AGPS: variants seen among roughly 807,000 people sequenced by gnomAD.
The protein encoded by AGPS is alkylglycerone phosphate synthase.
AGPS carries 26 observed loss-of-function variants against 90.7 expected under a neutral mutation model. That is an observed-to-expected ratio of 0.29 (90% confidence interval 0.21 to 0.40). AGPS has a LOEUF of 0.40. Among genes scored for constraint, AGPS ranks in the 10% least tolerant of loss-of-function variants. The pLI is 1.00. For synonymous variants in AGPS, 294 were observed against 285.3 expected (o/e 1.03, Z -0.31); for missense variants, 540 against 816.1 (o/e 0.66, Z 4.12).
intron 2 of AGPS, among the ~76,000 whole-genome samples, chr2:177,422,624 A>G (rs1049209889): frequency 6.6e-6 from 1 of 152,210 alleles, no homozygotes; most frequent in Non-Finnish European, 1.5e-5. Context: ...CAAAAAGGAT[A>G]ATTCCCCAAA....
chr2:177,509,491 C>G (rs368335307), intron 16 of AGPS, among the ~76,000 whole-genome samples: 1 of 151,998 alleles, frequency 6.6e-6, no homozygotes, highest in Admixed American at 6.5e-5. Flanking sequence ...ACGGTGAAAC[C>G]TCGTCTCTAC....
At chr2:177,532,547 G>T (rs1028215385) in intron 19 of AGPS, among the ~76,000 whole-genome samples, 2 of 152,164 alleles carry the variant, frequency 1.3e-5, no homozygotes, top group Non-Finnish European at 2.9e-5. Flanking sequence ...CTGGAAAACA[G>T]TTTGGCAGTT....
At chr2:177,508,758 A>G (rs2105721404) in intron 16 of AGPS, among the ~76,000 whole-genome samples, 1 of 152,300 alleles carries the variant, frequency 6.6e-6, no homozygotes, top group South Asian at 2.1e-4. Flanking sequence ...CCCTTATTCA[A>G]AATGCTCAGG....
At chr2:177,487,979 T>C (rs539930281) in intron 11 of AGPS, among the ~76,000 whole-genome samples, 2 of 152,272 alleles carry the variant, frequency 1.3e-5, no homozygotes, top group African/African-American at 4.8e-5. Flanking sequence ...AAGCAACAAT[T>C]GACTTGTCAA....
intron 11 of AGPS, among the ~76,000 whole-genome samples, chr2:177,484,649 A>G (rs1688044103): frequency 6.6e-6 from 1 of 152,152 alleles, no homozygotes; most frequent in Non-Finnish European, 1.5e-5. Context: ...CCCAGCCACA[A>G]AAAGTGTTAT....
intron 2 of AGPS, among the ~76,000 whole-genome samples, chr2:177,430,667 T>A (rs1253809727): frequency 4.6e-5 from 7 of 152,218 alleles, no homozygotes; most frequent in Admixed American, 6.5e-5. Flanking sequence ...TTGTTCTCCA[T>A]GGGTCCAGCT....
intron 8 of AGPS, among the ~76,000 whole-genome samples, chr2:177,458,131 A>T (rs1371723691): frequency 6.6e-6 from 1 of 152,238 alleles, no homozygotes; most frequent in Non-Finnish European, 1.5e-5. Flanking sequence ...CTTCAATAAA[A>T]TTCAACACCC....
At position 177,468,456 on chromosome 2, in the gene AGPS, A is replaced by G. The variant is rs1687521536; in HGVS notation, c.1037A>G (p.Glu346Gly). 6.2e-7 allele frequency: 1 copy of G among 1,612,186 alleles called. No individual in the cohort carries two copies. The highest frequency in any genetic ancestry group is 8.5e-7 in the Non-Finnish European group (1 of 1,179,030). Residue 346 changes from glutamate (E) to glycine (G), a missense_variant, in exon 10 of 20, where the codon GAA becomes GGA. This residue lies in a region of AGPS where 405 missense variants were observed against 692.1 expected (regional missense o/e 0.59). Coordinates refer to ENST00000264167, the MANE Select transcript of AGPS (RefSeq NM_003659.4). ...IKMVTPRGIIEKSCQGPRMST... is the reference protein window; with the variant it reads ...IKMVTPRGIIGKSCQGPRMST... ...ATGGTAACACCTAGAGGTATAATAGAAAAAAGCTGTCAAGGACCTCGTATG... is the reference window on the plus strand; with the variant it reads ...ATGGTAACACCTAGAGGTATAATAGGAAAAAGCTGTCAAGGACCTCGTATG...
intron 1 of AGPS, among the ~76,000 whole-genome samples, chr2:177,419,468 TGCAATACTTCA>T (rs1345397762): frequency 6.6e-6 from 1 of 151,902 alleles, no homozygotes; most frequent in African/African-American, 2.4e-5. Flanking sequence ...TAAAAAGTGA[TGCAATACTTCA>T]GCATGATTGC....
At position 177,538,227 on chromosome 2, in the gene AGPS, T is replaced by A. The variant is rs1286476730; in HGVS notation, c.*32T>A. Reference sequence around the variant, plus strand: ...TAGTACCATTACAAAAAAATGTCAATTTTTTTTTTAAGTTTTCAACTGTGG... The same window carrying A: ...TAGTACCATTACAAAAAAATGTCAAATTTTTTTTTAAGTTTTCAACTGTGG... On this transcript the variant is annotated 3_prime_UTR_variant, in exon 20 of 20. Coordinates refer to ENST00000264167, the MANE Select transcript of AGPS (RefSeq NM_003659.4). 4 of 1,517,970 alleles carry A rather than the reference T, an allele frequency of 2.6e-6. No homozygotes were observed. Among genetic ancestry groups the A allele is most frequent in the Non-Finnish European group, 3.6e-6 (4 of 1,102,704 alleles). 94.0% of individuals were successfully genotyped at this position (1,517,970 alleles called of 1,614,324 possible). A position where few individuals can be genotyped will look rare whatever the true frequency, so the allele number is the denominator to read the frequency against.
intron 9 of AGPS, among the ~76,000 whole-genome samples, chr2:177,464,102 C>G (rs1035079966): frequency 2.6e-5 from 4 of 151,998 alleles, no homozygotes; most frequent in Non-Finnish European, 4.4e-5. Flanking sequence ...CCACCATGCC[C>G]AGCTAATTTT....
At chr2:177,472,399 C>G (rs1687652854) in intron 10 of AGPS, among the ~76,000 whole-genome samples, 1 of 151,748 alleles carries the variant, frequency 6.6e-6, no homozygotes, top group African/African-American at 2.4e-5. Context: ...GGTTAGTCAG[C>G]TCTTGTTTCA....
intron 1 of AGPS, among the ~76,000 whole-genome samples, chr2:177,415,098 G>T (rs897522420): frequency 2.0e-5 from 3 of 151,952 alleles, no homozygotes; most frequent in Admixed American, 6.6e-5. Context: ...GTTTACCACT[G>T]TTTTAAACAT....
At chr2:177,398,219 G>A (rs1010573751) in intron 1 of AGPS, among the ~76,000 whole-genome samples, 11 of 152,078 alleles carry the variant, frequency 7.2e-5, no homozygotes, top group Non-Finnish European at 1.5e-4. Flanking sequence ...ACTTAACATC[G>A]TTTGGCAAAA....
At chr2:177,477,541 T>G (rs1269214798) in intron 10 of AGPS, among the ~76,000 whole-genome samples, 1 of 152,168 alleles carries the variant, frequency 6.6e-6, no homozygotes, top group Non-Finnish European at 1.5e-5. Context: ...GGAGTTTGGA[T>G]TTTTGGATTT....
At chr2:177,455,072 T>G (rs1687071164) in intron 8 of AGPS, among the ~76,000 whole-genome samples, 1 of 152,154 alleles carries the variant, frequency 6.6e-6, no homozygotes. Flanking sequence ...TCTTCTTCTT[T>G]CAGCGTGGCC....
intron 5 of AGPS, 75 bp downstream of exon 5, chr2:177,437,129 C>T (rs1349604252): frequency 7.3e-7 from 1 of 1,378,888 alleles, no homozygotes; most frequent in Admixed American, 1.7e-5. Context: ...GAAATACGTA[C>T]TTTTTGGCAT....
intron 2 of AGPS, among the ~76,000 whole-genome samples, chr2:177,421,506 A>G (rs1210407104): frequency 6.6e-6 from 1 of 152,048 alleles, no homozygotes; most frequent in Non-Finnish European, 1.5e-5. Flanking sequence ...TAGTAATTTG[A>G]AAGTAATTTT....
chr2:177,441,075 G>A (rs758609275), intron 6 of AGPS, 39 bp downstream of exon 6: 4 of 1,471,924 alleles, frequency 2.7e-6, no homozygotes, highest in Non-Finnish European at 3.8e-6. Context: ...ATGTAAATTT[G>A]TTCTATTTAA....
Sources: gnomAD v4.1 joint callset for allele counts (sites outside exome capture counted in the v4.1 genomes callset) on GRCh38, gnomAD v4.1.1 for gene constraint, gnomAD v4.1.1 regional missense constraint, MANE v1.5 for transcripts, NCBI Gene and HGNC (gene_info 2026-07-23, HGNC 2026-07-21) for gene names.